HEMK2: variants seen among roughly 807,000 people sequenced by gnomAD.
The protein encoded by HEMK2 is HemK methyltransferase 2, ETF1 glutamine and histone H4 lysine, also known as methyltransferase HEMK2.
At chr21:28,744,209 C>T in the HEMK2 span, among the ~76,000 whole-genome samples, 7 of 151,946 alleles carry the variant, frequency 4.6e-5, no homozygotes, top group East Asian at 1.3e-3. Flanking sequence ...ACCTATATAA[C>T]AAACCTGCAC....
At chr21:28,864,890 G>GATGAT in the HEMK2 span, among the ~76,000 whole-genome samples, 84 of 30,172 alleles carry the variant, frequency 2.8e-3, no homozygotes, top group African/African-American at 0.011. Context: ...AGATATAGAT[G>GATGAT]ATAGATAGAT....
the HEMK2 span, among the ~76,000 whole-genome samples, chr21:28,771,430 T>G: frequency 2.0e-5 from 3 of 151,586 alleles, no homozygotes; most frequent in Non-Finnish European, 4.4e-5. Context: ...GAGACATGTT[T>G]GGTTGTCACA....
At chr21:28,683,530 C>T in the HEMK2 span, among the ~76,000 whole-genome samples, 36 of 152,182 alleles carry the variant, frequency 2.4e-4, no homozygotes, top group African/African-American at 8.2e-4. Flanking sequence ...TTCACAAATG[C>T]AAATGTACAA....
the HEMK2 span, among the ~76,000 whole-genome samples, chr21:28,579,372 T>C: frequency 6.6e-6 from 1 of 152,200 alleles, no homozygotes; most frequent in East Asian, 1.9e-4. Context: ...AAATTCTTCT[T>C]TGAACAGGTT....
chr21:28,730,048 C>T, the HEMK2 span, among the ~76,000 whole-genome samples: 4 of 152,072 alleles, frequency 2.6e-5, no homozygotes, highest in Non-Finnish European at 5.9e-5. Context: ...TTATCTATTG[C>T]TTTGTAACAA....
At chr21:28,744,246 T>C in the HEMK2 span, among the ~76,000 whole-genome samples, 1 of 151,558 alleles carries the variant, frequency 6.6e-6, no homozygotes, top group African/African-American at 2.4e-5. Context: ...AAAATAAACA[T>C]TAAAATATTT....
chr21:28,700,273 T>C, the HEMK2 span, among the ~76,000 whole-genome samples: 2 of 152,198 alleles, frequency 1.3e-5, no homozygotes, highest in African/African-American at 2.4e-5. Context: ...GTCCTCATCA[T>C]AATCAATGGT....
the HEMK2 span, among the ~76,000 whole-genome samples, chr21:28,646,063 G>T: frequency 6.6e-6 from 1 of 152,196 alleles, no homozygotes; most frequent in Non-Finnish European, 1.5e-5. Flanking sequence ...GAAAGAAAAG[G>T]CTAATTATGA....
chr21:28,660,137 C>T, the HEMK2 span, among the ~76,000 whole-genome samples: 4 of 151,718 alleles, frequency 2.6e-5, no homozygotes, highest in African/African-American at 7.3e-5. Flanking sequence ...TAAAATAAAA[C>T]TGATCAAGCT....
At chr21:28,661,208 G>T in the HEMK2 span, among the ~76,000 whole-genome samples, 1 of 151,690 alleles carries the variant, frequency 6.6e-6, no homozygotes, top group Non-Finnish European at 1.5e-5. Context: ...TTAATTTATG[G>T]TATCTTTCTG....
the HEMK2 span, among the ~76,000 whole-genome samples, chr21:28,615,586 C>CA: frequency 6.6e-6 from 1 of 151,786 alleles, no homozygotes; most frequent in African/African-American, 2.4e-5. Context: ...AAATTCTTGC[C>CA]AAAAAAATAA....
chr21:28,669,538 C>A, the HEMK2 span, among the ~76,000 whole-genome samples: 1 of 152,140 alleles, frequency 6.6e-6, no homozygotes, highest in Non-Finnish European at 1.5e-5. Flanking sequence ...TAACAGAGTG[C>A]CAGTTCCAAG....
the HEMK2 span, among the ~76,000 whole-genome samples, chr21:28,620,793 CCTCCCAAGTAG>C: frequency 6.7e-6 from 1 of 149,754 alleles, no homozygotes; most frequent in African/African-American, 2.5e-5. Context: ...CCTGCCTCAG[CCTCCCAAGTAG>C]CTGGGACTAC....
At chr21:28,845,388 G>T in the HEMK2 span, among the ~76,000 whole-genome samples, 1 of 151,844 alleles carries the variant, frequency 6.6e-6, no homozygotes, top group Non-Finnish European at 1.5e-5. Context: ...TTCCCCCTTT[G>T]CATATTTTCT....
At chr21:28,592,844 A>AT in the HEMK2 span, among the ~76,000 whole-genome samples, 19 of 152,274 alleles carry the variant, frequency 1.2e-4, no homozygotes, top group South Asian at 3.9e-3. Context: ...GACATGTCGT[A>AT]TTTTTTATTG....
the HEMK2 span, among the ~76,000 whole-genome samples, chr21:28,741,850 C>A: frequency 1.3e-5 from 2 of 152,130 alleles, no homozygotes; most frequent in Non-Finnish European, 2.9e-5. Context: ...GTAAATAGTG[C>A]TGCAGTGAAC....
the HEMK2 span, among the ~76,000 whole-genome samples, chr21:28,765,772 G>A: frequency 1.3e-5 from 2 of 152,016 alleles, no homozygotes; most frequent in African/African-American, 4.8e-5. Context: ...GGTGCTGTGA[G>A]CTCCATTTCC....
At chr21:28,802,406 A>G in the HEMK2 span, among the ~76,000 whole-genome samples, 1 of 152,190 alleles carries the variant, frequency 6.6e-6, no homozygotes, top group Non-Finnish European at 1.5e-5. Context: ...TACCAGTTAC[A>G]TAGAGAGGGA....
At chr21:28,781,458 AC>A in the HEMK2 span, among the ~76,000 whole-genome samples, 1 of 119,618 alleles carries the variant, frequency 8.4e-6, no homozygotes, top group East Asian at 2.5e-4. Flanking sequence ...CCCCAAGATC[AC>A]CCTCAGGCTC....
Sources: allele counts gnomAD v4.1 joint callset (sites outside exome capture counted in the v4.1 genomes callset), GRCh38; gene constraint gnomAD v4.1.1; transcripts MANE v1.5; gene names NCBI Gene and HGNC (gene_info 2026-07-23, HGNC 2026-07-21).